Variants in VPS13D observed in about 807,000 individuals in gnomAD.
VPS13D encodes the protein intermembrane lipid transfer protein VPS13D.
VPS13D carries 187 observed loss-of-function variants against 461.9 expected under a neutral mutation model. The ratio of observed to expected loss-of-function variants is 0.40; its 90% CI spans 0.36 to 0.46. The LOEUF is 0.46. Among genes scored for constraint, VPS13D ranks in the 20% least tolerant of loss-of-function variants. The probability of loss-of-function intolerance (pLI) is 0.60; values close to 1 mark genes in which losing one functional copy is unlikely to be tolerated. For synonymous variants in VPS13D, 1,951 were observed against 1,986.3 expected (o/e 0.98, Z 0.47); for missense variants, 4,711 against 5,364.9 (o/e 0.88, Z 3.81).
chr1:12,293,822 C>T (rs1006533045), intron 24 of VPS13D, 118 bp downstream of exon 24: 11 of 1,031,440 alleles, frequency 1.1e-5, no homozygotes, highest in South Asian at 7.2e-5. Flanking sequence ...ATATGTTCTC[C>T]GTGTAGATTA....
rs148478501 is a variant in VPS13D at position 12,391,364 on chromosome 1, C to T, written c.11634+5030C>T. 1.0e-3 allele frequency among the ~76,000 whole-genome samples: 159 copies of T among 152,292 alleles called. 1 individual carries two copies. In the East Asian group the frequency reaches 0.026, roughly 25 times the overall value. ...CTCTGTCAATTGATCATGGGGAATT[C>T]CCCATGAAGCCATCAGTGCAGGCTA... is the stretch of plus-strand genomic sequence containing the variant. On this transcript the variant is annotated intron_variant, in intron 60 of 69. Coordinates refer to ENST00000620676, the MANE Select transcript of VPS13D (RefSeq NM_015378.4).
intron 68 of VPS13D, among the ~76,000 whole-genome samples, chr1:12,504,675 C>T (rs377215909): frequency 6.2e-4 from 94 of 152,350 alleles, no homozygotes; most frequent in African/African-American, 2.0e-3. Flanking sequence ...GTGTTTCCTT[C>T]GCTGTGCTCT....
chr1:12,255,028 C>A (rs1174435331), intron 7 of VPS13D, among the ~76,000 whole-genome samples: 1 of 151,982 alleles, frequency 6.6e-6, no homozygotes, highest in Non-Finnish European at 1.5e-5. Flanking sequence ...TCACTGCAAC[C>A]TCCACCTCCC....
chr1:12,449,824 T>G (rs1645238843), intron 65 of VPS13D, among the ~76,000 whole-genome samples: 1 of 152,154 alleles, frequency 6.6e-6, no homozygotes, highest in Non-Finnish European at 1.5e-5. Flanking sequence ...CTCTTAACTC[T>G]TCAAAACAGT....
chr1:12,462,429 T>C (rs927931628), intron 67 of VPS13D, among the ~76,000 whole-genome samples: 2 of 152,248 alleles, frequency 1.3e-5, no homozygotes, highest in Admixed American at 6.5e-5. Flanking sequence ...AAGGAACTTA[T>C]CTATGTGCCA....
chr1:12,450,758 T>G (rs1645253318), intron 65 of VPS13D, among the ~76,000 whole-genome samples: 2 of 152,220 alleles, frequency 1.3e-5, no homozygotes, highest in South Asian at 4.1e-4. Context: ...TTAAAGCCTT[T>G]TCAACTTAAA....
intron 67 of VPS13D, among the ~76,000 whole-genome samples, chr1:12,466,162 G>A (rs1645480798): frequency 6.6e-6 from 1 of 151,764 alleles, no homozygotes; most frequent in East Asian, 1.9e-4. Flanking sequence ...TCTGCAAAGA[G>A]AACTTAGGAA....
chr1:12,246,655 C>T (rs1640560512), intron 5 of VPS13D, among the ~76,000 whole-genome samples: 1 of 152,160 alleles, frequency 6.6e-6, no homozygotes, highest in East Asian at 1.9e-4. Context: ...AAAGGAAGGT[C>T]AGGGGCCTGT....
At chr1:12,492,663 T>A (rs1271573268) in intron 67 of VPS13D, among the ~76,000 whole-genome samples, 3 of 152,184 alleles carry the variant, frequency 2.0e-5, no homozygotes, top group East Asian at 3.8e-4. Flanking sequence ...ATTCTCAAAG[T>A]TCACCAGGAA....
chr1:12,313,658 A>G (rs1642816261), intron 29 of VPS13D, among the ~76,000 whole-genome samples: 1 of 152,136 alleles, frequency 6.6e-6, no homozygotes, highest in African/African-American at 2.4e-5. Context: ...TGTGAAGAGT[A>G]TTATTTGTTC....
At chr1:12,335,899 C>G in intron 39 of VPS13D, 72 bp downstream of exon 39, 1 of 1,596,352 alleles carries the variant, frequency 6.3e-7, no homozygotes, top group Non-Finnish European at 8.6e-7. Flanking sequence ...CTGAGAAATT[C>G]AAATGGAACC....
intron 24 of VPS13D, among the ~76,000 whole-genome samples, chr1:12,293,935 A>C (rs1041678696): frequency 7.2e-5 from 11 of 152,204 alleles, no homozygotes; most frequent in African/African-American, 2.7e-4. Flanking sequence ...AAAAAAAGAT[A>C]AGGGAGGTTT....
chr1:12,299,245 T>G lies in VPS13D; in HGVS notation c.6077T>G (p.Ile2026Ser). Residue 2026 changes from isoleucine (I) to serine (S), a missense_variant, in exon 25 of 70, where the codon ATT becomes AGT. By Grantham distance (142) the Ile-to-Ser change is moderately radical (BLOSUM62 -2). Around this residue, in one of 3 missense-constraint regions of VPS13D, gnomAD observed 4,411 missense variants for 4,937.8 expected, o/e 0.89. Coordinates refer to ENST00000620676, the MANE Select transcript of VPS13D (RefSeq NM_015378.4). The surrounding 1 kb of genome is among the most constrained non-coding windows in gnomAD (Gnocchi z 4.2). Reference sequence around the variant, plus strand: ...CGCTGTTCACGGGTTCTCCTGGATATTGAGGCTGGTGCTCCCGTTCTCTTG... The same window carrying G: ...CGCTGTTCACGGGTTCTCCTGGATAGTGAGGCTGGTGCTCCCGTTCTCTTG... ...AQRCSRVLLD[I>S]EAGAPVLLIP... 6.2e-7 allele frequency: 1 copy of G among 1,613,652 alleles called. No individual in the cohort carries two copies. Among genetic ancestry groups the G allele is most frequent in the Non-Finnish European group, 8.5e-7 (1 of 1,179,940 alleles).
intron 1 of VPS13D, among the ~76,000 whole-genome samples, chr1:12,233,783 C>T (rs1032194428): frequency 4.6e-5 from 7 of 152,180 alleles, no homozygotes; most frequent in South Asian, 2.1e-4. Context: ...CGCAGTGGCT[C>T]ATGCCTGTAA....
intron 65 of VPS13D, among the ~76,000 whole-genome samples, chr1:12,423,651 C>G (rs1446872120): frequency 6.6e-6 from 1 of 152,164 alleles, no homozygotes; most frequent in Non-Finnish European, 1.5e-5. Flanking sequence ...TTTCACCAGC[C>G]CTTTGTCCCA....
intron 60 of VPS13D, among the ~76,000 whole-genome samples, chr1:12,397,105 G>A (rs982174650): frequency 2.0e-5 from 3 of 151,966 alleles, no homozygotes; most frequent in South Asian, 2.1e-4. Flanking sequence ...AGCAATTTTC[G>A]TAGTTTTTAG....
chr1:12,384,796 T>C (rs1644329558), intron 58 of VPS13D, among the ~76,000 whole-genome samples: 1 of 152,158 alleles, frequency 6.6e-6, no homozygotes, highest in Non-Finnish European at 1.5e-5. Flanking sequence ...TTACTTTTCA[T>C]TTTTTGTGGA....
chr1:12,454,728 G>A (rs1419898503), intron 65 of VPS13D, among the ~76,000 whole-genome samples: 2 of 152,292 alleles, frequency 1.3e-5, no homozygotes, highest in East Asian at 1.9e-4. Context: ...AATGAAATAG[G>A]CCCCTAGATG....
At position 12,505,954 on chromosome 1, in the gene VPS13D, A is replaced by T. The variant is rs1490346514; in HGVS notation, c.12795-899A>T. On this transcript the variant is annotated intron_variant, in intron 68 of 69. Coordinates refer to ENST00000620676, the MANE Select transcript of VPS13D (RefSeq NM_015378.4). The surrounding 1 kb of genome is among the most constrained non-coding windows in gnomAD (Gnocchi z 4.2). ...CGCCGTTCTGGACCCAGGTTTCAGA[A>T]CACTTCCAGGTGGAGCCTGGCTCTG... Among the ~76,000 whole-genome samples the T allele has an allele frequency of 6.6e-6, 1 of 152,194 alleles. No individual in the cohort carries two copies. The highest frequency in any genetic ancestry group is 1.9e-4 in the East Asian group (1 of 5,188).
Sources: gnomAD v4.1 joint callset for allele counts (sites outside exome capture counted in the v4.1 genomes callset) on GRCh38, gnomAD v4.1.1 for gene constraint, gnomAD v4.1.1 regional missense constraint, Gnocchi (gnomAD v3.1) non-coding constraint, MANE v1.5 for transcripts, NCBI Gene and HGNC (gene_info 2026-07-23, HGNC 2026-07-21) for gene names.